Variants in CDH18 observed in about 807,000 individuals in gnomAD.
CDH18 encodes cadherin 18.
CDH18 carries 31 observed loss-of-function variants against 67.9 expected under a neutral mutation model. That is an observed-to-expected ratio of 0.46 (90% CI 0.34 to 0.62). The LOEUF is 0.62. CDH18 is among the 20% of genes least tolerant of loss of function. The pLI is 0.01. For synonymous variants in CDH18, 362 were observed against 347.2 expected, an observed-to-expected ratio of 1.04 and a Z score of -0.48; for missense variants, 890 against 975.5, an observed-to-expected ratio of 0.91 and a Z score of 1.17.
At chr5:20,095,175 G>T (rs759986854) in intron 2 of CDH18, among the ~76,000 whole-genome samples, 5 of 151,476 alleles carry the variant, frequency 3.3e-5, no homozygotes, top group Non-Finnish European at 7.4e-5. Flanking sequence ...GGCAAGGGAG[G>T]GATAACATTA....
intron 2 of CDH18, among the ~76,000 whole-genome samples, chr5:19,849,608 ACACG>A (rs1783420298): frequency 2.3e-5 from 2 of 88,450 alleles, no homozygotes; most frequent in Admixed American, 1.2e-4. Flanking sequence ...ACATATATAT[ACACG>A]CATATATATA....
chr5:19,842,999 G>C (rs1455608387), intron 2 of CDH18, among the ~76,000 whole-genome samples: 1 of 152,132 alleles, frequency 6.6e-6, no homozygotes, highest in Non-Finnish European at 1.5e-5. Flanking sequence ...ATGTTTAAAA[G>C]GGAAGCACAG....
In CDH18 at chr5:19,576,066, A is replaced by G. The variant is rs1399909180; in HGVS notation, c.1000-4234T>C. Among the ~76,000 whole-genome samples the G allele has an allele frequency of 2.6e-5, 4 of 152,260 alleles. No homozygotes were observed. In the East Asian group the frequency reaches 7.7e-4, roughly 29 times the overall value. On this transcript the variant is annotated intron_variant, in intron 7 of 12. Transcript: ENST00000382275. ...GTGGCAAGCAGAGCTACAGACTCAG[A>G]GAGGAAAGTATTGAGCCTTACAAGA...
In CDH18 at chr5:20,552,597, G is replaced by T. The variant is rs574102158; in HGVS notation, c.-580+22865C>A. On this transcript the variant is annotated intron_variant, in intron 1 of 14. Transcript: ENST00000507958. ...ATTGATCATCTCAAATATTGTCAGG[G>T]TTTCAAATACTTCAAAAAAGTTATA... Among the ~76,000 whole-genome samples, 95 of 152,062 alleles carry T rather than the reference G, an allele frequency of 6.2e-4. No homozygotes were observed. The East Asian group carries it at 7.7e-3, about 12-fold the overall frequency.
intron 3 of CDH18, among the ~76,000 whole-genome samples, chr5:19,775,230 C>T (rs532251009): frequency 1.3e-5 from 2 of 152,282 alleles, no homozygotes; most frequent in South Asian, 4.1e-4. Flanking sequence ...TCGCTACCAA[C>T]ATTGGAGAAA....
chr5:19,690,167 T>C (rs1761672162), intron 5 of CDH18, among the ~76,000 whole-genome samples: 1 of 151,204 alleles, frequency 6.6e-6, no homozygotes, highest in Non-Finnish European at 1.5e-5. Context: ...ATTATACAAA[T>C]GCATGGAAAT....
intron 2 of CDH18, among the ~76,000 whole-genome samples, chr5:20,018,414 T>G (rs1738080688): frequency 1.3e-5 from 2 of 152,222 alleles, no homozygotes; most frequent in African/African-American, 2.4e-5. Context: ...AAGATTCTTT[T>G]GTCTAGTGTG....
chr5:19,775,293 T>C (rs1284918376), intron 3 of CDH18, among the ~76,000 whole-genome samples: 1 of 152,196 alleles, frequency 6.6e-6, no homozygotes, highest in African/African-American at 2.4e-5. Context: ...CCAGCTGTCT[T>C]AGGCCATTCT....
intron 5 of CDH18, among the ~76,000 whole-genome samples, chr5:19,648,139 G>T (rs1168743167): frequency 1.3e-5 from 2 of 152,186 alleles, no homozygotes; most frequent in Non-Finnish European, 2.9e-5. Context: ...AGCAGGCTGG[G>T]TGCAATGGCT....
rs1737839319 is a variant in CDH18, at chr5:19,473,258, A to G, written c.2341T>C (p.Tyr781His). ...GPEFKKLAEL[Y>H]GEIESERTT ...GTTCTTTCAGATTCTATTTCTCCAT[A>G]GAGTTCAGCTAACTTTTTAAACTCG... The change falls in exon 13 of 13, where the codon TAT (tyrosine) becomes CAT (histidine). Residue 781 changes from tyrosine (Y) to histidine (H), a missense_variant. This residue lies in a region of CDH18 where 656 missense variants were observed against 668.1 expected (regional missense o/e 0.98). Transcript: ENST00000382275. 1 of 1,613,574 alleles carries G rather than the reference A, an allele frequency of 6.2e-7. No homozygotes were observed. The highest frequency in any genetic ancestry group is 8.5e-7 in the Non-Finnish European group (1 of 1,179,722).
intron 1 of CDH18, among the ~76,000 whole-genome samples, chr5:20,450,467 A>T (rs1026884408): frequency 6.6e-6 from 1 of 152,200 alleles, no homozygotes; most frequent in Non-Finnish European, 1.5e-5. Flanking sequence ...AAATCTTTAT[A>T]TTAATTCCTT....
chr5:20,323,990 C>T (rs1738290353), intron 1 of CDH18, among the ~76,000 whole-genome samples: 1 of 152,158 alleles, frequency 6.6e-6, no homozygotes, highest in Non-Finnish European at 1.5e-5. Flanking sequence ...ATACTAATGA[C>T]ACAAAAGTGG....
At chr5:19,647,845 C>A (rs964458298) in intron 5 of CDH18, among the ~76,000 whole-genome samples, 1 of 152,064 alleles carries the variant, frequency 6.6e-6, no homozygotes, top group Non-Finnish European at 1.5e-5. Flanking sequence ...ATTTTGAAAA[C>A]CCTACTTTCA....
chr5:19,994,357 T>A (rs551472235), intron 2 of CDH18, among the ~76,000 whole-genome samples: 1 of 146,714 alleles, frequency 6.8e-6, no homozygotes, highest in East Asian at 2.0e-4. Flanking sequence ...ATCCCCTTAG[T>A]TCGATTTTTC....
chr5:20,520,188 T>C (rs1471964681), intron 1 of CDH18, among the ~76,000 whole-genome samples: 1 of 151,810 alleles, frequency 6.6e-6, no homozygotes, highest in African/African-American at 2.4e-5. Flanking sequence ...AACATTGTTA[T>C]ATAAACAACT....
At chr5:19,531,587 A>T (rs1287989240) in intron 9 of CDH18, among the ~76,000 whole-genome samples, 1 of 149,264 alleles carries the variant, frequency 6.7e-6, no homozygotes, top group Admixed American at 6.7e-5. Flanking sequence ...TATTTACCCA[A>T]GACAAGTTAA....
At chr5:19,888,095 A>T (rs1032577128) in intron 2 of CDH18, among the ~76,000 whole-genome samples, 1 of 152,052 alleles carries the variant, frequency 6.6e-6, no homozygotes, top group African/African-American at 2.4e-5. Flanking sequence ...TTTCTATCAC[A>T]CTGCTTTACC....
chr5:19,768,568 C>T (rs1263343108), intron 3 of CDH18, among the ~76,000 whole-genome samples: 2 of 152,112 alleles, frequency 1.3e-5, no homozygotes, highest in African/African-American at 2.4e-5. Context: ...ATATACAACG[C>T]TGCCCCATAG....
At chr5:20,555,939 C>T (rs10520867) in intron 1 of CDH18, among the ~76,000 whole-genome samples, 8,960 of 152,146 alleles carry the variant, frequency 0.059, 635 homozygotes, top group African/African-American at 0.17. Context: ...GCTTTTCAAA[C>T]GGTTCTTCCC....
Sources: allele counts gnomAD v4.1 joint callset (sites outside exome capture counted in the v4.1 genomes callset), GRCh38; gene constraint gnomAD v4.1.1; regional missense constraint gnomAD v4.1.1; transcripts MANE v1.5; gene names NCBI Gene and HGNC (gene_info 2026-07-23, HGNC 2026-07-21).